The following CLVS1 variants were observed in gnomAD, a reference collection of about 807,000 sequenced individuals.
CLVS1 encodes the protein clavesin 1.
A neutral mutation model predicts 33.1 loss-of-function variants in CLVS1; 10 were observed. The observed-to-expected ratio is 0.30, with a 90% CI of 0.19 to 0.51. The LOEUF (loss-of-function observed/expected upper bound fraction) is 0.51. CLVS1 is among the 20% of genes least tolerant of loss of function. CLVS1 has a pLI of 0.97. For synonymous variants in CLVS1, 163 were observed against 166.1 expected, an observed-to-expected ratio of 0.98 and a Z score of 0.14; for missense variants, 343 against 433.4, an observed-to-expected ratio of 0.79 and a Z score of 1.85.
intron 2 of CLVS1, among the ~76,000 whole-genome samples, chr8:61,177,290 A>G (rs1807132062): frequency 6.6e-6 from 1 of 152,068 alleles, no homozygotes; most frequent in Non-Finnish European, 1.5e-5. Context: ...CCCTGCAGGA[A>G]CTTCAACTGC....
intron 2 of CLVS1, among the ~76,000 whole-genome samples, chr8:61,335,946 G>T (rs953002621): frequency 1.3e-5 from 2 of 152,134 alleles, no homozygotes; most frequent in African/African-American, 2.4e-5. Context: ...AAATATGCTG[G>T]GTGAGGGACA....
the CLVS1 span, among the ~76,000 whole-genome samples, chr8:60,980,965 G>A: frequency 5.8e-4 from 89 of 152,140 alleles, no homozygotes; most frequent in Non-Finnish European, 8.5e-4. Flanking sequence ...GTACAGAGGC[G>A]GAGACTGGAG....
At chr8:61,182,162 C>A (rs888186255) in intron 2 of CLVS1, among the ~76,000 whole-genome samples, 2 of 152,122 alleles carry the variant, frequency 1.3e-5, no homozygotes, top group Non-Finnish European at 2.9e-5. Flanking sequence ...CTTCCTTACA[C>A]CTTATACAAA....
intron 2 of CLVS1, among the ~76,000 whole-genome samples, chr8:61,357,483 C>CTTTTTTTTTTTTTTT (rs1414093611): frequency 2.8e-5 from 2 of 71,474 alleles, no homozygotes; most frequent in South Asian, 5.4e-4. Flanking sequence ...TTTTTCTTTC[C>CTTTTTTTTTTTTTTT]TTTTTCTTTT....
intron 2 of CLVS1, 38 bp from the exon 3 acceptor site, chr8:61,376,567 A>G (rs764983828): frequency 1.9e-6 from 3 of 1,595,074 alleles, no homozygotes; most frequent in African/African-American, 1.3e-5. Flanking sequence ...TCACCTGCTC[A>G]TATTCACACA....
At chr8:60,995,560 G>C in the CLVS1 span, among the ~76,000 whole-genome samples, 1 of 152,210 alleles carries the variant, frequency 6.6e-6, no homozygotes, top group South Asian at 2.1e-4. Context: ...TTGCACTGTT[G>C]GTGGGACTGT....
At chr8:61,090,435 G>C (rs1805220527) in intron 1 of CLVS1, among the ~76,000 whole-genome samples, 1 of 152,108 alleles carries the variant, frequency 6.6e-6, no homozygotes, top group Non-Finnish European at 1.5e-5. Flanking sequence ...GGACAAGAGA[G>C]GATAGAAGGA....
At chr8:61,113,063 G>A (rs1004943309) in intron 1 of CLVS1, among the ~76,000 whole-genome samples, 5 of 152,118 alleles carry the variant, frequency 3.3e-5, no homozygotes, top group Non-Finnish European at 7.4e-5. Context: ...ACAGGAGGCG[G>A]CCCTCACTGT....
chr8:61,384,838 A>C (rs1325073327), intron 3 of CLVS1, among the ~76,000 whole-genome samples: 1 of 152,208 alleles, frequency 6.6e-6, no homozygotes, highest in Non-Finnish European at 1.5e-5. Flanking sequence ...AGAGCAATAC[A>C]TCATGAACAA....
intron 3 of CLVS1, among the ~76,000 whole-genome samples, chr8:61,442,883 G>A (rs779348431): frequency 3.3e-5 from 5 of 152,146 alleles, no homozygotes; most frequent in Non-Finnish European, 5.9e-5. Context: ...TAAGGCATGA[G>A]CCACTGTGCC....
chr8:61,070,257 CAT>C (rs1300840069), intron 1 of CLVS1, among the ~76,000 whole-genome samples: 1 of 152,200 alleles, frequency 6.6e-6, no homozygotes, highest in African/African-American at 2.4e-5. Context: ...GTGCGTCTCT[CAT>C]ATCACATGCA....
intron 5 of CLVS1, among the ~76,000 whole-genome samples, chr8:61,459,526 A>G (rs1817291161): frequency 7.1e-6 from 1 of 140,322 alleles, no homozygotes; most frequent in Non-Finnish European, 1.5e-5. Flanking sequence ...CCAAGTCCCC[A>G]AAGTCCATTG....
In CLVS1 at chr8:61,218,636, TAAAA is replaced by T. The variant is rs113600902; in HGVS notation, c.-151-81034_-151-81031del. Among the ~76,000 whole-genome samples, 60 of 145,366 alleles carry T rather than the reference TAAAA, an allele frequency of 4.1e-4. 1 individual carries two copies. The highest frequency in any genetic ancestry group is 7.7e-4 in the Non-Finnish European group (51 of 66,476). Reference sequence around the variant, plus strand: ...AATATGTATAATTATTATATGTCAATAAAAAAAAAACAACAAGGCCAGGCATGGT... The same window carrying T: ...AATATGTATAATTATTATATGTCAATAAAAAACAACAAGGCCAGGCATGGT... On this transcript the variant is annotated intron_variant, in intron 2 of 2. Transcript: ENST00000522621.
At position 61,162,095 on chromosome 8, in the gene CLVS1, C is replaced by T. The variant is rs140509935; in HGVS notation, c.-152+30235C>T. On this transcript the variant is annotated intron_variant, in intron 2 of 2. Coordinates refer to the CLVS1 transcript ENST00000522621. ...TCTCTTACCTTCTTGCCGTCTTTCC[C>T]AGAGCTTGGAGAAACTTTGTCCCAG... 2.0e-3 allele frequency among the ~76,000 whole-genome samples: 307 copies of T among 152,274 alleles called. 2 individuals carry two copies. Among genetic ancestry groups the T allele is most frequent in the African/African-American group, 7.1e-3 (294 of 41,548 alleles).
intron 1 of CLVS1, among the ~76,000 whole-genome samples, chr8:61,290,993 T>C (rs1809968281): frequency 6.6e-6 from 1 of 152,220 alleles, no homozygotes; most frequent in Non-Finnish European, 1.5e-5. Flanking sequence ...AACTTATGCT[T>C]AATTGCCAAT....
chr8:61,227,111 C>T (rs1480780626), intron 2 of CLVS1, among the ~76,000 whole-genome samples: 1 of 151,134 alleles, frequency 6.6e-6, no homozygotes, highest in Non-Finnish European at 1.5e-5. Flanking sequence ...CAAGACAAAG[C>T]TGTATTGTCA....
At chr8:60,980,148 A>G in the CLVS1 span, among the ~76,000 whole-genome samples, 3 of 152,220 alleles carry the variant, frequency 2.0e-5, no homozygotes, top group African/African-American at 7.2e-5. Context: ...ACAAGTTCTA[A>G]TGGCCAGGTT....
chr8:61,040,934 G>GT, the CLVS1 span, among the ~76,000 whole-genome samples: 72 of 149,740 alleles, frequency 4.8e-4, no homozygotes, highest in Middle Eastern at 3.4e-3. Flanking sequence ...GTATTTCCTA[G>GT]TTTTTTTTTT....
chr8:61,253,863 G>A (rs193075439), intron 2 of CLVS1, among the ~76,000 whole-genome samples: 8 of 152,212 alleles, frequency 5.3e-5, no homozygotes, highest in African/African-American at 1.4e-4. Flanking sequence ...CCATGGGTTC[G>A]AACTTCCTTC....
Sources: allele counts gnomAD v4.1 joint callset (sites outside exome capture counted in the v4.1 genomes callset), GRCh38; gene constraint gnomAD v4.1.1; transcripts MANE v1.5; gene names NCBI Gene and HGNC (gene_info 2026-07-23, HGNC 2026-07-21).